Variants in APOA1 observed in about 807,000 individuals in gnomAD.
APOA1 encodes the protein apolipoprotein A-I.
Under a neutral mutation model 25.9 loss-of-function variants are expected in APOA1, and 22 were observed. The observed-to-expected ratio is 0.85, with a 90% CI of 0.61 to 1.21. APOA1 has a LOEUF of 1.21. Among genes scored for constraint, APOA1 ranks in the 50% most tolerant of loss-of-function variants. The pLI, the probability that APOA1 is intolerant of heterozygous loss-of-function variation, is 0.00. For missense variants in APOA1, 351 were observed against 347.9 expected (o/e 1.01, Z -0.07); for synonymous variants, 163 against 152.2 (o/e 1.07, Z -0.52).
chr11:116,837,588 C>T lies in APOA1; in HGVS notation c.-21+17G>A. ...AGCTGGGGAGCCAGAGTGACCGGGG[C>T]AGGCAGCAGGACGCACCTCCTTCTC... On this transcript the variant is annotated intron_variant, in intron 1 of 3. Coordinates refer to ENST00000236850, the MANE Select transcript of APOA1 (RefSeq NM_000039.3). 3.1e-6 allele frequency: 2 copies of T among 638,452 alleles called. No individual in the cohort carries two copies. Among genetic ancestry groups the T allele is most frequent in the Non-Finnish European group, 5.6e-6 (2 of 359,278 alleles). The allele number at this position is 638,452 out of a possible 1,614,324, so 39.5% of individuals were successfully genotyped here. A position where few individuals can be genotyped will look rare whatever the true frequency, so the allele number is the denominator to read the frequency against.
intron 3 of APOA1, among the ~76,000 whole-genome samples, chr11:116,836,718 G>C (rs1941559659): frequency 6.6e-6 from 1 of 152,274 alleles, no homozygotes; most frequent in Admixed American, 6.5e-5. Context: ...CCACAGTCTT[G>C]CTGGGCAGGA....
At chr11:116,836,949 C>T in intron 3 of APOA1, 52 bp downstream of exon 3, 1 of 1,598,738 alleles carries the variant, frequency 6.3e-7, no homozygotes, top group Non-Finnish European at 8.6e-7. Flanking sequence ...CAACATCATC[C>T]CACAGGCCTC....
chr11:116,837,262 T>A (rs756763937), intron 2 of APOA1, 83 bp downstream of exon 2: 61 of 1,585,866 alleles, frequency 3.8e-5, no homozygotes, highest in Non-Finnish European at 5.3e-5. Context: ...AGAAACCTGC[T>A]GCCTCTGCCC....
rs1233547311 is a variant in APOA1 at position 116,837,049 on chromosome 11, C to G, written c.152G>C (p.Arg51Thr). The change falls in exon 3 of 4, where the codon AGA becomes ACA. Residue 51 changes from arginine (R) to threonine (T), a missense_variant. Physicochemically the swap from Arg to Thr is moderately conservative, Grantham distance 71 (BLOSUM62 -1). Coordinates refer to ENST00000236850, the MANE Select transcript of APOA1 (RefSeq NM_000039.3). ...GCCTTCAAACTGGGACACATAGTCT[C>G]TGCCGCTGTCTTTGAGCACATCCAC... ...VYVDVLKDSG[R>T]DYVSQFEGSA... The G allele has an allele frequency of 6.2e-7, 1 of 1,614,102 alleles. No individual in the cohort carries two copies. Among genetic ancestry groups the G allele is most frequent in the African/African-American group, 1.3e-5 (1 of 74,944 alleles).
rs748257495 is a variant in APOA1 at position 116,837,413 on chromosome 11, G to A, written c.-20-6C>T. On this transcript the variant is annotated splice_polypyrimidine_tract_variant and splice_region_variant and intron_variant, in intron 1 of 3. Transcript: ENST00000236850. ...CCTGAAGGGCCGTGGGGGACCTGGA[G>A]GAGAAGAAGGGCCTGGCTGAGTGGG... The A allele has an allele frequency of 8.4e-6, 13 of 1,553,858 alleles. No homozygotes were observed. The highest frequency in any genetic ancestry group is 2.4e-5 in the East Asian group (1 of 41,264).
rs1038782960 is a variant in APOA1 at position 116,835,949 on chromosome 11, G to T, written c.663C>A (p.Thr221=). The T allele has an allele frequency of 7.4e-6, 12 of 1,612,334 alleles. No homozygotes were observed. Among genetic ancestry groups the T allele is most frequent in the East Asian group, 2.2e-5 (1 of 44,858 alleles). The change falls in exon 4 of 4, where the codon ACC becomes ACA. Residue 221 remains threonine (T), a synonymous_variant. Transcript: ENST00000236850. The part of the protein sequence containing the change: ...ARLAEYHAKA[T]EHLSTLSEKA... ...TCTCGCTGAGCGTGCTCAGATGCTC[G>T]GTGGCCTTGGCGTGGTACTCGGCCA...
At chr11:116,837,244 G>T in intron 2 of APOA1, 87 bp from the exon 3 acceptor site, 1 of 1,578,424 alleles carries the variant, frequency 6.3e-7, no homozygotes, top group Non-Finnish European at 8.7e-7. Context: ...GGGGAGAGGG[G>T]GCCAGTGAGA....
rs902427004 is a variant in APOA1 at position 116,836,049 on chromosome 11, G to C, written c.563C>G (p.Ala188Gly). The change falls in exon 4 of 4, where the codon GCC (alanine) becomes GGC (glycine). Residue 188 changes from alanine to glycine, a missense_variant. By Grantham distance (60) the Ala-to-Gly change is moderately conservative. Coordinates refer to ENST00000236850, the MANE Select transcript of APOA1 (RefSeq NM_000039.3). ...AHVDALRTHL[A>G]PYSDELRQRL... ...CTGGCGCAGCTCGTCGCTGTAGGGGGCCAGATGCGTGCGCAGCGCGTCCAC... is the reference window on the plus strand; with the variant it reads ...CTGGCGCAGCTCGTCGCTGTAGGGGCCCAGATGCGTGCGCAGCGCGTCCAC... 2 of 1,605,442 alleles carry C rather than the reference G, an allele frequency of 1.2e-6. No homozygotes were observed. Among genetic ancestry groups the C allele is most frequent in the Non-Finnish European group, 1.7e-6 (2 of 1,178,798 alleles).
chr11:116,836,381 CA>C lies in APOA1; in HGVS notation c.230del (p.Val77GlyfsTer15). On this transcript the variant is annotated frameshift_variant, in exon 4 of 4. Coordinates refer to ENST00000236850, the MANE Select transcript of APOA1 (RefSeq NM_000039.3). LOFTEE classifies it high-confidence loss of function. ...NLKLLDNWDS[V>X]TSTFSKLREQ... The stretch of plus-strand genomic sequence containing the variant: ...CGCGCAGCTTGCTGAAGGTGGAGGT[CA>C]CGCTGTCCCAGTTGTCAAGGAGCTT... 1 of 1,614,074 alleles carries C rather than the reference CA, an allele frequency of 6.2e-7. No individual in the cohort carries two copies. The highest frequency in any genetic ancestry group is 8.5e-7 in the Non-Finnish European group (1 of 1,180,044).
chr11:116,837,064 A>G lies in APOA1; in HGVS notation c.137T>C (p.Leu46Pro), dbSNP rs1941569410. ...CACATAGTCTCTGCCGCTGTCTTTGAGCACATCCACGTACACAGTGGCCAG... is the reference window on the plus strand; with the variant it reads ...CACATAGTCTCTGCCGCTGTCTTTGGGCACATCCACGTACACAGTGGCCAG... Reference protein sequence around the residue: ...KDLATVYVDVLKDSGRDYVSQ... With the variant: ...KDLATVYVDVPKDSGRDYVSQ... Residue 46 changes from leucine (L) to proline (P), a missense_variant, in exon 3 of 4, where the codon CTC (leucine) becomes CCC (proline). Leu to Pro is a moderately conservative substitution (Grantham distance 98). Coordinates refer to ENST00000236850, the MANE Select transcript of APOA1 (RefSeq NM_000039.3). The G allele has an allele frequency of 6.2e-7, 1 of 1,614,028 alleles. No individual in the cohort carries two copies. The highest frequency in any genetic ancestry group is 1.1e-5 in the South Asian group (1 of 91,094).
chr11:116,836,961 G>T, intron 3 of APOA1, 40 bp downstream of exon 3: 1 of 1,608,678 alleles, frequency 6.2e-7, no homozygotes, highest in Non-Finnish European at 8.5e-7. Context: ...ACAGGCCTCT[G>T]CCCCCTACCC....
At chr11:116,836,909 T>G (rs1166252522) in intron 3 of APOA1, 92 bp downstream of exon 3, 5 of 1,383,572 alleles carry the variant, frequency 3.6e-6, no homozygotes, top group Non-Finnish European at 4.1e-6. Flanking sequence ...GCTCATCAGA[T>G]ATTAGGTGAG....
intron 2 of APOA1, 61 bp from the exon 3 acceptor site, chr11:116,837,218 G>A (rs996990626): frequency 6.9e-6 from 11 of 1,605,198 alleles, no homozygotes; most frequent in Middle Eastern, 1.7e-4. Context: ...GAGCCGAAAG[G>A]CCAAGCTTGG....
rs1276491554 is a variant in APOA1 at position 116,836,245 on chromosome 11, G to T, written c.367C>A (p.Pro123Thr). The change falls in exon 4 of 4, where the codon CCC (proline) becomes ACC (threonine). Residue 123 changes from proline to threonine, a missense_variant. Transcript: ENST00000236850. Reference sequence around the variant, plus strand: ...TTCTTCTGGAAGTCGTCCAGGTAGGGCTGCACCTTGGCCTTCACCTCCTCC... The same window carrying T: ...TTCTTCTGGAAGTCGTCCAGGTAGGTCTGCACCTTGGCCTTCACCTCCTCC... ...DLEEVKAKVQ[P>T]YLDDFQKKWQ... 2 of 1,614,160 alleles carry T rather than the reference G, an allele frequency of 1.2e-6. No individual in the cohort carries two copies. Among genetic ancestry groups the T allele is most frequent in the South Asian group, 2.2e-5 (2 of 91,084 alleles).
At position 116,837,405 on chromosome 11, in the gene APOA1, G is replaced by C. The variant is rs1941583366; in HGVS notation, c.-18C>G. On this transcript the variant is annotated splice_region_variant and 5_prime_UTR_variant, in exon 2 of 4. Transcript: ENST00000236850. ...GCTTTCATCCTGAAGGGCCGTGGGGGACCTGGAGGAGAAGAAGGGCCTGGC... is the reference window on the plus strand; with the variant it reads ...GCTTTCATCCTGAAGGGCCGTGGGGCACCTGGAGGAGAAGAAGGGCCTGGC... 1 of 1,555,166 alleles carries C rather than the reference G, an allele frequency of 6.4e-7. No individual in the cohort carries two copies. The highest frequency in any genetic ancestry group is 8.7e-7 in the Non-Finnish European group (1 of 1,148,888).
At chr11:116,836,668 G>A (rs1365228710) in intron 3 of APOA1, among the ~76,000 whole-genome samples, 1 of 152,224 alleles carries the variant, frequency 6.6e-6, no homozygotes, top group Non-Finnish European at 1.5e-5. Flanking sequence ...GAAGGACCTC[G>A]CTTCTATGCC....
At position 116,836,290 on chromosome 11, in the gene APOA1, G is replaced by A. The variant is rs121912723; in HGVS notation, c.322C>T (p.Gln108Ter). Reference protein sequence around the residue: ...NLEKETEGLRQEMSKDLEEVK... With the variant: ...NLEKETEGLR ...TCCTCCAGATCCTTGCTCATCTCCT[G>A]CCTCAGGCCCTCTGTCTCCTTTTCC... Residue 108 changes from glutamine to a stop codon, truncating the protein, a stop_gained, in exon 4 of 4, where the codon CAG (glutamine) becomes TAG (stop). Transcript: ENST00000236850. LOFTEE classifies it high-confidence loss of function. 6.2e-7 allele frequency: 1 copy of A among 1,614,176 alleles called. No homozygotes were observed. Among genetic ancestry groups the A allele is most frequent in the East Asian group, 2.2e-5 (1 of 44,876 alleles).
intron 1 of APOA1, 96 bp downstream of exon 1, chr11:116,837,509 G>T (rs750072038): frequency 7.9e-7 from 1 of 1,266,698 alleles, no homozygotes; most frequent in Non-Finnish European, 1.1e-6. Flanking sequence ...GGCACAGAGC[G>T]GGAGAAGACC....
In APOA1 at chr11:116,837,012, T is replaced by C; in HGVS notation, c.189A>G (p.Gly63=). The C allele has an allele frequency of 6.2e-7, 1 of 1,614,148 alleles. No homozygotes were observed. Among genetic ancestry groups the C allele is most frequent in the South Asian group, 1.1e-5 (1 of 91,084 alleles). ...YVSQFEGSAL[G]KQLNLKLLDN... is the part of the protein sequence containing the mutation. ...GGCTGGGTCCTTACTTTAGCTGTTT[T>C]CCCAAGGCGGAGCCTTCAAACTGGG... Residue 63 remains glycine, a synonymous_variant, in exon 3 of 4, where the codon GGA becomes GGG. Coordinates refer to ENST00000236850, the MANE Select transcript of APOA1 (RefSeq NM_000039.3).
Sources: allele counts gnomAD v4.1 joint callset (sites outside exome capture counted in the v4.1 genomes callset), GRCh38; gene constraint gnomAD v4.1.1; transcripts MANE v1.5; gene names NCBI Gene and HGNC (gene_info 2026-07-23, HGNC 2026-07-21).